The following PCDHGA6 variants were observed in gnomAD, a reference collection of about 807,000 sequenced individuals.
PCDHGA6 encodes protocadherin gamma-A6.
In PCDHGA6, 41 loss-of-function variants were observed where a neutral mutation model predicts 60.6. The ratio of observed to expected loss-of-function variants is 0.68; its 90% confidence interval spans 0.53 to 0.88. The LOEUF (loss-of-function observed/expected upper bound fraction) is 0.88, where lower values mean the gene tolerates loss of function less well. Ranked by LOEUF, PCDHGA6 falls within the 40% of genes least tolerant of loss-of-function variation. PCDHGA6 has a pLI of 0.00. For missense variants in PCDHGA6, 1,312 were observed against 1,203.0 expected (o/e 1.09, Z -1.34); for synonymous variants, 594 against 524.4 (o/e 1.13, Z -1.81).
At position 141,430,919 on chromosome 5, in the gene PCDHGA6, C is replaced by A. The variant is rs377613499; in HGVS notation, c.2424+54412C>A. The A allele has an allele frequency of 6.2e-7, 1 of 1,607,492 alleles. No homozygotes were observed. Among genetic ancestry groups the A allele is most frequent in the Admixed American group, 1.7e-5 (1 of 58,806 alleles). The stretch of plus-strand genomic sequence containing the variant: ...GGGCGACATCTCCAGGGACCTGGGG[C>A]TGGAGCCCCGGGAGCTCGCGGAGCG... On this transcript the variant is annotated intron_variant, in intron 1 of 3. Transcript: ENST00000517434.
At chr5:141,396,821 G>A (rs934244827) in intron 1 of PCDHGA6, among the ~76,000 whole-genome samples, 5 of 152,314 alleles carry the variant, frequency 3.3e-5, no homozygotes, top group Middle Eastern at 3.4e-3. Context: ...ACTGTATGGT[G>A]CATATTCAGT....
At chr5:141,479,391 T>G (rs2099494461) in intron 1 of PCDHGA6, 1 of 152,266 alleles carries the variant, frequency 6.6e-6, no homozygotes, top group Non-Finnish European at 1.5e-5. Flanking sequence ...AGCCCAGGAG[T>G]TCTGGGCTGT....
chr5:141,418,477 C>G (rs2154547707), intron 1 of PCDHGA6: 1 of 1,614,016 alleles, frequency 6.2e-7, no homozygotes, highest in Non-Finnish European at 8.5e-7. Context: ...AAACGCAGAG[C>G]GCTCACCACT....
At chr5:141,427,845 G>C in intron 1 of PCDHGA6, 1 of 1,550,582 alleles carries the variant, frequency 6.4e-7, no homozygotes, top group Non-Finnish European at 8.8e-7. Context: ...CTTCGACCAC[G>C]AGCAGCTGTG....
At chr5:141,418,794 TAGAA>T in intron 1 of PCDHGA6, 1 of 1,613,706 alleles carries the variant, frequency 6.2e-7, no homozygotes, top group South Asian at 1.1e-5. Flanking sequence ...TTTGAAGAAG[TAGAA>T]AGATATACGA....
intron 1 of PCDHGA6, chr5:141,389,438 C>T (rs781427097): frequency 6.2e-7 from 1 of 1,610,592 alleles, no homozygotes; most frequent in South Asian, 1.1e-5. Flanking sequence ...AGCGCGCCTT[C>T]GACCACGAGC....
At chr5:141,462,071 C>T (rs1473972601) in intron 1 of PCDHGA6, among the ~76,000 whole-genome samples, 1 of 152,214 alleles carries the variant, frequency 6.6e-6, no homozygotes, top group African/African-American at 2.4e-5. Context: ...GATCTGCCCG[C>T]CTTGGCCTCC....
At chr5:141,417,866 G>C (rs1299960512) in intron 1 of PCDHGA6, 1 of 1,552,408 alleles carries the variant, frequency 6.4e-7, no homozygotes, top group African/African-American at 1.4e-5. Context: ...AACGATGGGA[G>C]GGAGCTGCGC....
intron 1 of PCDHGA6, chr5:141,414,287 C>G: frequency 6.2e-7 from 1 of 1,613,434 alleles, no homozygotes; most frequent in Non-Finnish European, 8.5e-7. Flanking sequence ...ACAGTCGTAG[C>G]CCTTTTAAAT....
chr5:141,394,365 C>T (rs1451388519), intron 1 of PCDHGA6: 1 of 1,614,212 alleles, frequency 6.2e-7, no homozygotes, highest in South Asian at 1.1e-5. Context: ...GTATGCGCTG[C>T]AATCTTTCGA....
Position 141,431,135 on chromosome 5 carries a change from A to C in PCDHGA6, c.2424+54628A>C. ...TGGAGTAGAAGTAGAAGTAAGGGAC[A>C]TTAACGACAATGCGCCTTACTTTCG... On this transcript the variant is annotated intron_variant, in intron 1 of 3. Coordinates refer to ENST00000517434, the MANE Select transcript of PCDHGA6 (RefSeq NM_018919.3). The surrounding 1 kb of genome is among the most constrained non-coding windows in gnomAD (Gnocchi z 4.8). 1 of 1,614,266 alleles carries C rather than the reference A, an allele frequency of 6.2e-7. No homozygotes were observed. Among genetic ancestry groups the C allele is most frequent in the Non-Finnish European group, 8.5e-7 (1 of 1,180,042 alleles).
chr5:141,417,525 C>G (rs1435259680), intron 1 of PCDHGA6: 1 of 272,692 alleles, frequency 3.7e-6, no homozygotes, highest in African/African-American at 2.2e-5. Flanking sequence ...GCTGTCAACT[C>G]GTAGTTTAAA....
chr5:141,508,723 G>A (rs941469412), intron 3 of PCDHGA6, among the ~76,000 whole-genome samples: 2 of 151,814 alleles, frequency 1.3e-5, no homozygotes, highest in African/African-American at 4.8e-5. Context: ...TGTGTGCAGG[G>A]AGACTACACC....
chr5:141,503,616 A>G (rs1260134621), intron 2 of PCDHGA6, among the ~76,000 whole-genome samples: 2 of 150,944 alleles, frequency 1.3e-5, no homozygotes, highest in African/African-American at 2.4e-5. Context: ...AAAAAAAAAG[A>G]AAAAAGAAAA....
At chr5:141,385,152 G>C in intron 1 of PCDHGA6, 1 of 1,614,210 alleles carries the variant, frequency 6.2e-7, no homozygotes, top group Non-Finnish European at 8.5e-7. Flanking sequence ...CTTTCCTGCA[G>C]ACCTATTCCC....
chr5:141,466,975 A>G (rs769024064), intron 1 of PCDHGA6, among the ~76,000 whole-genome samples: 1 of 151,842 alleles, frequency 6.6e-6, no homozygotes, highest in Non-Finnish European at 1.5e-5. Flanking sequence ...CTCACAGCTC[A>G]TCATTTACCT....
At chr5:141,381,893 G>C (rs1777730137) in intron 1 of PCDHGA6, among the ~76,000 whole-genome samples, 1 of 121,222 alleles carries the variant, frequency 8.2e-6, no homozygotes, top group African/African-American at 3.2e-5. Context: ...GCAATGGTGT[G>C]ATCTCGGCTC....
At chr5:141,454,685 C>A (rs1305853379) in intron 1 of PCDHGA6, among the ~76,000 whole-genome samples, 1 of 151,844 alleles carries the variant, frequency 6.6e-6, no homozygotes, top group Non-Finnish European at 1.5e-5. Context: ...GGATTACAGG[C>A]ATGAGCCACC....
chr5:141,423,382 C>G, intron 1 of PCDHGA6: 1 of 1,614,118 alleles, frequency 6.2e-7, no homozygotes, highest in Non-Finnish European at 8.5e-7. Flanking sequence ...CAGGCTGTGG[C>G]GCTGGCATAA....
Sources: allele counts gnomAD v4.1 joint callset (sites outside exome capture counted in the v4.1 genomes callset), GRCh38; gene constraint gnomAD v4.1.1; non-coding constraint Gnocchi (gnomAD v3.1); transcripts MANE v1.5; gene names NCBI Gene and HGNC (gene_info 2026-07-23, HGNC 2026-07-21).